The following HNF4G variants were observed in gnomAD, a reference collection of about 807,000 sequenced individuals.
The protein encoded by HNF4G is hepatocyte nuclear factor 4-gamma.
HNF4G carries 21 observed loss-of-function variants against 50.9 expected under a neutral mutation model. That is an observed-to-expected ratio of 0.41 (90% CI 0.29 to 0.59). The LOEUF (loss-of-function observed/expected upper bound fraction) is 0.59, where lower values mean the gene tolerates loss of function less well. Among genes scored for constraint, HNF4G ranks in the 20% least tolerant of loss-of-function variants. The pLI is 0.26. For synonymous variants in HNF4G, 198 were observed against 185.6 expected, an observed-to-expected ratio of 1.07 and a Z score of -0.54; for missense variants, 527 against 559.4, an observed-to-expected ratio of 0.94 and a Z score of 0.58.
intron 1 of HNF4G, among the ~76,000 whole-genome samples, chr8:75,442,435 G>C (rs372322392): frequency 6.6e-6 from 1 of 152,048 alleles, no homozygotes; most frequent in African/African-American, 2.4e-5. Context: ...ATGGCCCAGC[G>C]CAATGGCTCA....
intron 2 of HNF4G, among the ~76,000 whole-genome samples, chr8:75,511,736 G>A (rs527651177): frequency 6.6e-6 from 1 of 152,274 alleles, no homozygotes; most frequent in Non-Finnish European, 1.5e-5. Context: ...GACTACAGGC[G>A]TCTGTCACTG....
chr8:75,493,359 C>T (rs1037161425), intron 2 of HNF4G, among the ~76,000 whole-genome samples: 39 of 152,138 alleles, frequency 2.6e-4, no homozygotes, highest in Non-Finnish European at 4.3e-4. Context: ...TAGAAAAAGG[C>T]GTGCTTTCTT....
chr8:75,530,244 C>T (rs1194292769), intron 2 of HNF4G, among the ~76,000 whole-genome samples: 3 of 152,120 alleles, frequency 2.0e-5, no homozygotes, highest in Admixed American at 6.5e-5. Flanking sequence ...GGGCACCAGA[C>T]TTTGTAGTTG....
chr8:75,449,885 C>A (rs1811546689), intron 1 of HNF4G, among the ~76,000 whole-genome samples: 1 of 151,740 alleles, frequency 6.6e-6, no homozygotes, highest in Admixed American at 6.6e-5. Context: ...TACTTAAAAT[C>A]TATTCTCAGC....
At chr8:75,507,321 G>T (rs557160054) in intron 2 of HNF4G, among the ~76,000 whole-genome samples, 13 of 149,908 alleles carry the variant, frequency 8.7e-5, no homozygotes, top group African/African-American at 2.2e-4. Flanking sequence ...GTGCAGCGGC[G>T]TGATCTTGGC....
At chr8:75,487,469 C>A (rs1427165107) in intron 1 of HNF4G, among the ~76,000 whole-genome samples, 2 of 152,128 alleles carry the variant, frequency 1.3e-5, no homozygotes, top group African/African-American at 4.8e-5. Context: ...TCTCTCCAAA[C>A]CCTCCATAAA....
chr8:75,540,856 T>G (rs1006834683), intron 1 of HNF4G, among the ~76,000 whole-genome samples: 2 of 150,342 alleles, frequency 1.3e-5, no homozygotes, highest in Non-Finnish European at 3.0e-5. Context: ...TGTGTATGTG[T>G]GTGTGTGTGT....
intron 1 of HNF4G, among the ~76,000 whole-genome samples, chr8:75,473,740 G>T (rs548357383): frequency 1.3e-5 from 2 of 152,228 alleles, no homozygotes; most frequent in South Asian, 2.1e-4. Context: ...GATTGGAACT[G>T]GGGGGAGTAG....
intron 1 of HNF4G, among the ~76,000 whole-genome samples, chr8:75,428,184 T>A (rs1810929686): frequency 6.6e-6 from 1 of 152,142 alleles, no homozygotes; most frequent in Non-Finnish European, 1.5e-5. Flanking sequence ...TAATGCTGCA[T>A]CATTTAAATC....
At chr8:75,556,598 G>A (rs1807135761) in intron 6 of HNF4G, among the ~76,000 whole-genome samples, 1 of 152,140 alleles carries the variant, frequency 6.6e-6, no homozygotes, top group East Asian at 1.9e-4. Context: ...TAGGTGTGGG[G>A]TGGTGGGGTA....
At chr8:75,508,039 G>A (rs1585906227) in intron 2 of HNF4G, among the ~76,000 whole-genome samples, 1 of 151,070 alleles carries the variant, frequency 6.6e-6, no homozygotes, top group Middle Eastern at 3.5e-3. Flanking sequence ...AGATAAAAGC[G>A]AGAAGAAAAG....
intron 6 of HNF4G, among the ~76,000 whole-genome samples, chr8:75,557,064 A>C (rs1231961774): frequency 6.6e-6 from 1 of 152,172 alleles, no homozygotes; most frequent in Non-Finnish European, 1.5e-5. Context: ...TATGCCCTGA[A>C]ATGCTATTAA....
intron 1 of HNF4G, among the ~76,000 whole-genome samples, chr8:75,455,464 A>G (rs1025324503): frequency 2.3e-4 from 35 of 152,126 alleles, no homozygotes; most frequent in Admixed American, 3.9e-4. Context: ...GTGGTGAGTA[A>G]TGTTTAGGTA....
chr8:75,423,352 T>TC (rs1399942735), intron 1 of HNF4G, among the ~76,000 whole-genome samples: 1 of 144,584 alleles, frequency 6.9e-6, no homozygotes, highest in Non-Finnish European at 1.5e-5. Flanking sequence ...TTTTTTTTTT[T>TC]TTTTTGAGAT....
At chr8:75,471,788 C>G (rs1465206120) in intron 1 of HNF4G, among the ~76,000 whole-genome samples, 1 of 152,108 alleles carries the variant, frequency 6.6e-6, no homozygotes, top group Admixed American at 6.5e-5. Flanking sequence ...AATAATGATG[C>G]TAAAGTGTAC....
intron 1 of HNF4G, among the ~76,000 whole-genome samples, chr8:75,485,121 T>C (rs577606940): frequency 1.3e-5 from 2 of 152,360 alleles, no homozygotes; most frequent in Non-Finnish European, 2.9e-5. Context: ...AATAAATTTA[T>C]AAACATGTTA....
chr8:75,430,474 T>TAGAGAGAG lies in HNF4G; in HGVS notation c.-144+22333_-144+22340dup, dbSNP rs66481707. Among the ~76,000 whole-genome samples, 1,093 of 136,058 alleles carry TAGAGAGAG rather than the reference T, an allele frequency of 8.0e-3. 10 individuals carry two copies. The highest frequency in any genetic ancestry group is 0.029 in the African/African-American group (1,044 of 36,112). The allele number at this position is 136,058 out of a possible 152,430, so 89.3% of individuals were successfully genotyped here. On this transcript the variant is annotated intron_variant, in intron 1 of 10. Coordinates refer to the HNF4G transcript ENST00000354370. ...AAATAAAAGAGACGGGGGTAGGGAG[T>TAGAGAGAG]AGAGAGAGAGAGAGAGAGAGAGAGA...
chr8:75,416,746 G>T (rs945993577), intron 1 of HNF4G, among the ~76,000 whole-genome samples: 1 of 152,152 alleles, frequency 6.6e-6, no homozygotes, highest in Non-Finnish European at 1.5e-5. Flanking sequence ...GATAAACCTA[G>T]AAGGCTTGAG....
chr8:75,483,870 A>C (rs1228816943), intron 1 of HNF4G, among the ~76,000 whole-genome samples: 1 of 152,134 alleles, frequency 6.6e-6, no homozygotes, highest in Non-Finnish European at 1.5e-5. Context: ...CTCTGTATTG[A>C]TATGTCTCGA....
Sources: allele counts gnomAD v4.1 joint callset (sites outside exome capture counted in the v4.1 genomes callset), GRCh38; gene constraint gnomAD v4.1.1; transcripts MANE v1.5; gene names NCBI Gene and HGNC (gene_info 2026-07-23, HGNC 2026-07-21).